Variants in NTRK2 observed in about 807,000 individuals in gnomAD.
The protein encoded by NTRK2 is BDNF/NT-3 growth factors receptor.
In NTRK2, 13 loss-of-function variants were observed where a neutral mutation model predicts 94.5. The observed-to-expected ratio is 0.14, with a 90% CI of 0.09 to 0.22. The LOEUF (loss-of-function observed/expected upper bound fraction) is 0.22. NTRK2 is among the 10% of genes least tolerant of loss of function. The probability of loss-of-function intolerance (pLI) is 1.00; values close to 1 mark genes in which losing one functional copy is unlikely to be tolerated. For missense variants in NTRK2, 639 were observed against 1,071.2 expected (o/e 0.60, Z 5.63); for synonymous variants, 372 against 407.4 (o/e 0.91, Z 1.05).
chr9:84,867,134 C>A (rs865781487), intron 13 of NTRK2, 109 bp from the exon 14 acceptor site: 3 of 1,063,250 alleles, frequency 2.8e-6, no homozygotes, highest in Middle Eastern at 4.9e-4. Context: ...TGTGAATATA[C>A]TAAAACCCAC....
chr9:84,857,483 A>G (rs1186956167), intron 12 of NTRK2, among the ~76,000 whole-genome samples: 2 of 152,194 alleles, frequency 1.3e-5, no homozygotes, highest in Admixed American at 6.5e-5. Context: ...TTTGCTTGTG[A>G]AATTTAGTGT....
intron 6 of NTRK2, among the ~76,000 whole-genome samples, chr9:84,720,506 G>A (rs757481196): frequency 3.3e-5 from 5 of 152,078 alleles, no homozygotes; most frequent in Non-Finnish European, 7.4e-5. Context: ...ACATCAGGTG[G>A]TACCTAGTAA....
At chr9:84,870,331 G>GTGTGTGTGTGTGTGTA (rs1349303529) in intron 14 of NTRK2, among the ~76,000 whole-genome samples, 1 of 31,180 alleles carries the variant, frequency 3.2e-5, no homozygotes, top group Admixed American at 5.6e-4. Flanking sequence ...GTGTGTGTGT[G>GTGTGTGTGTGTGTGTA]TATATATATA....
intron 15 of NTRK2, among the ~76,000 whole-genome samples, chr9:84,945,343 C>T (rs2078563265): frequency 6.6e-6 from 1 of 152,098 alleles, no homozygotes; most frequent in African/African-American, 2.4e-5. Context: ...AAAGGGTGAA[C>T]AGGACACACT....
intron 12 of NTRK2, among the ~76,000 whole-genome samples, chr9:84,791,009 T>C (rs1043868401): frequency 2.6e-5 from 4 of 152,276 alleles, no homozygotes; most frequent in African/African-American, 9.6e-5. Context: ...ATATTCTGTT[T>C]GTTCACTTTT....
chr9:84,816,748 C>T (rs2133643331), intron 12 of NTRK2, among the ~76,000 whole-genome samples: 1 of 142,826 alleles, frequency 7.0e-6, no homozygotes, highest in East Asian at 2.0e-4. Context: ...CATTGCACTC[C>T]AGCCTGGATG....
intron 13 of NTRK2, among the ~76,000 whole-genome samples, chr9:84,862,332 C>T (rs1305286791): frequency 3.3e-5 from 5 of 152,098 alleles, no homozygotes; most frequent in African/African-American, 1.2e-4. Context: ...GATGTGTATG[C>T]GTGCGTAGGT....
In NTRK2 at chr9:84,951,917, A is replaced by G. The variant is rs149529402; in HGVS notation, c.1937+3283A>G. Among the ~76,000 whole-genome samples, 251 of 152,272 alleles carry G rather than the reference A, an allele frequency of 1.6e-3. 2 individuals carry two copies. The South Asian group carries it at 0.019, about 11-fold the overall frequency. On this transcript the variant is annotated intron_variant, in intron 16 of 18. Coordinates refer to ENST00000277120, the MANE Select transcript of NTRK2 (RefSeq NM_006180.6). ...TACCCTCTTTATTCATCCAGAAGCC[A>G]TATATTAAGCACCAGCATGGCCAGG...
chr9:84,758,175 T>C (rs2065240118), intron 12 of NTRK2, among the ~76,000 whole-genome samples: 1 of 151,364 alleles, frequency 6.6e-6, no homozygotes, highest in African/African-American at 2.4e-5. Context: ...CATATTTTCT[T>C]CTAGTCTTTT....
intron 17 of NTRK2, among the ~76,000 whole-genome samples, chr9:84,999,625 C>A (rs567092227): frequency 2.1e-4 from 32 of 152,210 alleles, no homozygotes; most frequent in Admixed American, 5.9e-4. Context: ...TTTAAAAAAT[C>A]CTATGTGGAA....
At chr9:84,749,431 A>G (rs2064387978) in intron 11 of NTRK2, among the ~76,000 whole-genome samples, 1 of 152,152 alleles carries the variant, frequency 6.6e-6, no homozygotes, top group Admixed American at 6.5e-5. Flanking sequence ...AGAATTAGCC[A>G]TATGTTTTTA....
intron 12 of NTRK2, chr9:84,814,712 G>A: frequency 9.4e-7 from 1 of 1,064,242 alleles, no homozygotes; most frequent in South Asian, 4.6e-5. Context: ...ATCTTGTTTT[G>A]TCTAGACTCC....
At chr9:84,965,008 A>T (rs998909225) in intron 17 of NTRK2, among the ~76,000 whole-genome samples, 1 of 152,168 alleles carries the variant, frequency 6.6e-6, no homozygotes, top group Non-Finnish European at 1.5e-5. Context: ...TCTACAATTA[A>T]AGTTTCCCTG....
At chr9:84,860,927 A>C in intron 12 of NTRK2, 113 bp from the exon 13 acceptor site, 1 of 351,828 alleles carries the variant, frequency 2.8e-6, no homozygotes, top group Non-Finnish European at 5.2e-6. Flanking sequence ...TTATTTATTT[A>C]TTTATTTTTG....
At chr9:84,841,534 A>G (rs899887025) in intron 12 of NTRK2, among the ~76,000 whole-genome samples, 2 of 151,934 alleles carry the variant, frequency 1.3e-5, no homozygotes, top group African/African-American at 2.4e-5. Flanking sequence ...TGGGCACCGT[A>G]CTCTCTCCCT....
chr9:84,754,764 G>T (rs534541029), intron 12 of NTRK2, among the ~76,000 whole-genome samples: 17 of 152,230 alleles, frequency 1.1e-4, no homozygotes, highest in African/African-American at 4.1e-4. Context: ...AGCATCTTTG[G>T]GGAGGGTCTA....
intron 17 of NTRK2, among the ~76,000 whole-genome samples, chr9:84,992,328 G>T (rs1829184174): frequency 6.6e-6 from 1 of 151,704 alleles, no homozygotes; most frequent in Non-Finnish European, 1.5e-5. Context: ...TGTCTGGAAG[G>T]GAGAGTATTG....
intron 12 of NTRK2, among the ~76,000 whole-genome samples, chr9:84,754,434 G>T (rs1030536509): frequency 6.6e-6 from 1 of 152,038 alleles, no homozygotes; most frequent in Non-Finnish European, 1.5e-5. Context: ...AATCTTTGGG[G>T]ATCTAGAAAT....
At chr9:85,004,035 G>GAC (rs1564542151) in intron 17 of NTRK2, among the ~76,000 whole-genome samples, 1 of 69,378 alleles carries the variant, frequency 1.4e-5, no homozygotes, top group Non-Finnish European at 2.8e-5. Context: ...GAAAGAAAGA[G>GAC]AGAAAGAAAG....
Sources: gnomAD v4.1 joint callset for allele counts (sites outside exome capture counted in the v4.1 genomes callset) on GRCh38, gnomAD v4.1.1 for gene constraint, MANE v1.5 for transcripts, NCBI Gene and HGNC (gene_info 2026-07-23, HGNC 2026-07-21) for gene names.